SYNE1: variants seen among roughly 807,000 people sequenced by gnomAD.
SYNE1 encodes spectrin repeat containing nuclear envelope protein 1.
A neutral mutation model predicts 1,111.0 loss-of-function variants in SYNE1; 616 were observed. The ratio of observed to expected loss-of-function variants is 0.55; its 90% CI spans 0.52 to 0.59. The LOEUF is 0.59. Ranked by LOEUF, SYNE1 falls within the 20% of genes least tolerant of loss-of-function variation. SYNE1 has a pLI of 0.00. For missense variants in SYNE1, 10,006 were observed against 10,417.0 expected (o/e 0.96, Z 1.72); for synonymous variants, 3,855 against 3,825.8 (o/e 1.01, Z -0.28).
At chr6:152,537,621 A>G (rs977126364) in intron 4 of SYNE1, among the ~76,000 whole-genome samples, 13 of 152,182 alleles carry the variant, frequency 8.5e-5, no homozygotes, top group African/African-American at 3.1e-4. Flanking sequence ...AAAAGTCAAA[A>G]GTATATTAAT....
At chr6:152,526,014 C>T in intron 5 of SYNE1, 66 bp downstream of exon 5, 2 of 1,479,510 alleles carry the variant, frequency 1.4e-6, no homozygotes, top group Non-Finnish European at 1.9e-6. Flanking sequence ...GCACTCTCAA[C>T]TCCATAGTCC....
chr6:152,415,913 G>C (rs1332909843), intron 41 of SYNE1, among the ~76,000 whole-genome samples: 1 of 151,654 alleles, frequency 6.6e-6, no homozygotes, highest in Non-Finnish European at 1.5e-5. Context: ...CAAGGTTAAG[G>C]ACATGCCCGG....
chr6:152,244,178 TG>T (rs1189595040), intron 106 of SYNE1, among the ~76,000 whole-genome samples: 5 of 152,224 alleles, frequency 3.3e-5, no homozygotes, highest in Non-Finnish European at 7.3e-5. Flanking sequence ...GAAGACATAG[TG>T]CAATACGAGG....
intron 3 of SYNE1, among the ~76,000 whole-genome samples, chr6:152,552,264 C>T (rs1414753057): frequency 2.6e-5 from 4 of 152,020 alleles, no homozygotes; most frequent in African/African-American, 9.7e-5. Flanking sequence ...AAAGTTTGGT[C>T]GTTGCTTTTC....
chr6:152,390,607 A>G (rs1166544317), intron 52 of SYNE1, among the ~76,000 whole-genome samples, 155 bp from the exon 53 acceptor site: 1 of 152,228 alleles, frequency 6.6e-6, no homozygotes, highest in Admixed American at 6.5e-5. Flanking sequence ...TATAATATTG[A>G]CTCAAAATTA....
intron 98 of SYNE1, among the ~76,000 whole-genome samples, chr6:152,273,298 T>C (rs541882290): frequency 2.0e-5 from 3 of 152,382 alleles, no homozygotes; most frequent in African/African-American, 4.8e-5. Flanking sequence ...TAGCAGAAGC[T>C]TCTTCGTCTC....
At chr6:152,447,913 A>G (rs1179832701) in intron 28 of SYNE1, among the ~76,000 whole-genome samples, 1 of 152,230 alleles carries the variant, frequency 6.6e-6, no homozygotes, top group Non-Finnish European at 1.5e-5. Context: ...AATACTGTAG[A>G]AAAATATGAG....
intron 126 of SYNE1, 63 bp from the exon 127 acceptor site, chr6:152,202,012 A>C: frequency 6.3e-7 from 1 of 1,583,340 alleles, no homozygotes; most frequent in East Asian, 2.2e-5. Context: ...GGGGGGGAAA[A>C]GAAAAGAAAC....
At chr6:152,430,955 G>C (rs1249410088) in intron 34 of SYNE1, among the ~76,000 whole-genome samples, 1 of 152,118 alleles carries the variant, frequency 6.6e-6, no homozygotes, top group Non-Finnish European at 1.5e-5. Flanking sequence ...AGCTACTCTT[G>C]CTTGCAGTGA....
In SYNE1 at chr6:152,435,853, TAA is replaced by T. The variant is rs143074359; in HGVS notation, c.4310+86_4310+87del. On this transcript the variant is annotated intron_variant, in intron 33 of 145. Transcript: ENST00000367255. ...GAAATACACAGACACTTTGAGATTT[TAA>T]AAGAGTGTTTTGAATACAAGGTACA... 0.13 allele frequency: 198,661 copies of T among 1,504,548 alleles called. 15,284 individuals carry two copies. Among genetic ancestry groups the T allele is most frequent in the East Asian group, 0.38 (16,783 of 44,186 alleles). 93.2% of individuals were successfully genotyped at this position (1,504,548 alleles called of 1,614,324 possible).
At position 152,262,012 on chromosome 6, in the gene SYNE1, T is replaced by C. The variant is rs2092069619; in HGVS notation, c.18972+20A>G. ...TACATCTTTTATATTAGTTAATATA[T>C]AATGTAAAATATTTGATACCACTTG... On this transcript the variant is annotated intron_variant, in intron 101 of 145. Transcript: ENST00000367255. The C allele has an allele frequency of 6.3e-7, 1 of 1,588,942 alleles. No homozygotes were observed.
chr6:152,281,833 T>C lies in SYNE1; in HGVS notation c.18355A>G (p.Met6119Val). The C allele has an allele frequency of 6.2e-6, 10 of 1,614,188 alleles. No homozygotes were observed. The highest frequency in any genetic ancestry group is 8.5e-6 in the Non-Finnish European group (10 of 1,180,014). The change falls in exon 97 of 146, where the codon ATG becomes GTG. Residue 6119 changes from methionine to valine, a missense_variant. Around this residue, in one of 7 missense-constraint regions of SYNE1, gnomAD observed 99 missense variants for 147.8 expected, o/e 0.67. Transcript: ENST00000367255. ...TGGCAGTCCATAAGCTGGGCCTCCATGTCCATGGGCTCCTTGGGTGGACTC... is the reference window on the plus strand; with the variant it reads ...TGGCAGTCCATAAGCTGGGCCTCCACGTCCATGGGCTCCTTGGGTGGACTC... Reference protein sequence around the residue: ...ALSPPKEPMDMEAQLMDCQNM... With the variant: ...ALSPPKEPMDVEAQLMDCQNM...
intron 11 of SYNE1, among the ~76,000 whole-genome samples, chr6:152,494,240 A>G (rs2098987246): frequency 6.6e-6 from 1 of 152,144 alleles, no homozygotes; most frequent in Non-Finnish European, 1.5e-5. Flanking sequence ...CTTGATGCGT[A>G]TACTTTCTGC....
intron 3 of SYNE1, among the ~76,000 whole-genome samples, chr6:152,558,988 A>AT (rs1157536904): frequency 1.4e-5 from 2 of 140,876 alleles, no homozygotes; most frequent in African/African-American, 6.0e-5. Context: ...TTATTTATTT[A>AT]TTTATTTATT....
intron 11 of SYNE1, among the ~76,000 whole-genome samples, chr6:152,490,433 C>A: frequency 6.6e-6 from 1 of 152,124 alleles, no homozygotes; most frequent in East Asian, 1.9e-4. Flanking sequence ...TGGTTCCTGC[C>A]TTAACCGATG....
rs1335975750 is a variant in SYNE1 at position 152,505,185 on chromosome 6, T to C, written c.778+16A>G. On this transcript the variant is annotated intron_variant, in intron 9 of 145. Transcript: ENST00000367255. ...CCGTGTTAAGGTATATAACAGTCAA[T>C]GAATATTCAGCCTACCTTCAGGATC... is the stretch of plus-strand genomic sequence containing the variant. 1.9e-6 allele frequency: 3 copies of C among 1,613,768 alleles called. No individual in the cohort carries two copies. The highest frequency in any genetic ancestry group is 1.3e-5 in the African/African-American group (1 of 74,932).
chr6:152,230,138 T>G lies in SYNE1; in HGVS notation c.21195+409A>C, dbSNP rs868229105. 4.6e-5 allele frequency among the ~76,000 whole-genome samples: 7 copies of G among 152,104 alleles called. No individual in the cohort carries two copies. The South Asian group carries it at 1.5e-3, about 32-fold the overall frequency. ...GCCTCGATCTCCTGAATTCAAGCAA[T>G]CCTCCCACCTCAGCCTCCTGAGTAG... On this transcript the variant is annotated intron_variant, in intron 115 of 145. Coordinates refer to ENST00000367255, the MANE Select transcript of SYNE1 (RefSeq NM_182961.4).
intron 3 of SYNE1, among the ~76,000 whole-genome samples, chr6:152,596,042 T>C (rs113653872): frequency 0.037 from 5,424 of 147,048 alleles, 356 homozygotes; most frequent in African/African-American, 0.13. Context: ...TACATATTTC[T>C]TTCTGATTCC....
chr6:152,235,505 GCA>G (rs1562391042), intron 110 of SYNE1, among the ~76,000 whole-genome samples: 2 of 152,072 alleles, frequency 1.3e-5, no homozygotes, highest in Non-Finnish European at 2.9e-5. Context: ...GGGATTACAG[GCA>G]TGCACCACCA....
Sources: allele counts gnomAD v4.1 joint callset (sites outside exome capture counted in the v4.1 genomes callset), GRCh38; gene constraint gnomAD v4.1.1; regional missense constraint gnomAD v4.1.1; transcripts MANE v1.5; gene names NCBI Gene and HGNC (gene_info 2026-07-23, HGNC 2026-07-21).